ARIH2: variants seen among roughly 807,000 people sequenced by gnomAD.
ARIH2 encodes the protein ariadne RBR E3 ubiquitin protein ligase 2.
Under a neutral mutation model 79.8 loss-of-function variants are expected in ARIH2, and 12 were observed. The observed-to-expected ratio is 0.15, with a 90% CI of 0.10 to 0.24. ARIH2 has a LOEUF of 0.24. Among genes scored for constraint, ARIH2 ranks in the 10% least tolerant of loss-of-function variants. The probability of loss-of-function intolerance (pLI) is 1.00; values close to 1 mark genes in which losing one functional copy is unlikely to be tolerated. For missense variants in ARIH2, 301 were observed against 618.3 expected, an observed-to-expected ratio of 0.49 and a Z score of 5.44; for synonymous variants, 224 against 213.9, an observed-to-expected ratio of 1.05 and a Z score of -0.41.
chr3:48,949,074 G>C (rs1295170566), intron 3 of ARIH2: 4 of 456,352 alleles, frequency 8.8e-6, no homozygotes, highest in African/African-American at 8.0e-5. Context: ...AGATAACTAG[G>C]AGTGGGATTG....
intron 3 of ARIH2, 94 bp downstream of exon 3, chr3:48,927,907 G>A: frequency 6.7e-7 from 1 of 1,481,768 alleles, no homozygotes; most frequent in South Asian, 1.3e-5. Flanking sequence ...TAATTGAATG[G>A]CCTTGTAGCT....
At chr3:48,958,403 C>T (rs2090852097) in intron 3 of ARIH2, among the ~76,000 whole-genome samples, 1 of 152,176 alleles carries the variant, frequency 6.6e-6, no homozygotes, top group African/African-American at 2.4e-5. Flanking sequence ...GCCTGCATGA[C>T]TTCATCTCTA....
chr3:48,972,763 C>T (rs2092308862), intron 8 of ARIH2, among the ~76,000 whole-genome samples: 1 of 152,018 alleles, frequency 6.6e-6, no homozygotes, highest in Non-Finnish European at 1.5e-5. Flanking sequence ...GTCCACGTTG[C>T]AGTACAGTGA....
intron 1 of ARIH2, chr3:48,919,303 G>T: frequency 1.0e-6 from 1 of 958,470 alleles, no homozygotes; most frequent in Non-Finnish European, 1.4e-6. Flanking sequence ...GCGGGGAAAC[G>T]CGCCGCCTCG....
At position 48,983,498 on chromosome 3, in the gene ARIH2, A is replaced by G. The variant is rs753289283; in HGVS notation, c.*228A>G. The G allele has an allele frequency of 3.1e-5, 17 of 546,982 alleles. No homozygotes were observed. The highest frequency in any genetic ancestry group is 7.7e-5 in the African/African-American group (4 of 51,712). The allele number at this position is 546,982 out of a possible 1,614,324, so 33.9% of individuals were successfully genotyped here. ...GAACTGGCCTCTTTTCAGGACTTTT[A>G]TTTCCCCCTGGATGGTTGTTGGGAG... On this transcript the variant is annotated 3_prime_UTR_variant, in exon 16 of 16. Transcript: ENST00000356401.
At chr3:48,970,275 T>C (rs1207132028) in intron 7 of ARIH2, among the ~76,000 whole-genome samples, 1 of 152,178 alleles carries the variant, frequency 6.6e-6, no homozygotes, top group Non-Finnish European at 1.5e-5. Context: ...CACTGCAGCC[T>C]GAAATTTCAG....
Position 48,918,953 on chromosome 3 carries a change from CG to C in ARIH2, c.-205del, listed in dbSNP as rs1559686960. Reference sequence around the variant, plus strand: ...CCGGTCCCTCTGGCCCGGCCTGACCCGGTCTGGCTTGTTCGGGCTCAGCGGC... The same window carrying C: ...CCGGTCCCTCTGGCCCGGCCTGACCCGTCTGGCTTGTTCGGGCTCAGCGGC... On this transcript the variant is annotated 5_prime_UTR_variant, in exon 1 of 16. Coordinates refer to ENST00000356401, the MANE Select transcript of ARIH2 (RefSeq NM_006321.4). 17 of 1,527,580 alleles carry C rather than the reference CG, an allele frequency of 1.1e-5. No individual in the cohort carries two copies. The highest frequency in any genetic ancestry group is 1.5e-5 in the Non-Finnish European group (17 of 1,146,772). The allele number at this position is 1,527,580 out of a possible 1,614,324, so 94.6% of individuals were successfully genotyped here. A position where few individuals can be genotyped will look rare whatever the true frequency, so the allele number is the denominator to read the frequency against.
intron 2 of ARIH2, chr3:48,926,988 T>C (rs1255643092): frequency 3.9e-5 from 6 of 154,210 alleles, no homozygotes; most frequent in Non-Finnish European, 7.2e-5. Flanking sequence ...TGTGAAACAG[T>C]GGTTTTCTTT....
At chr3:48,978,465 G>A (rs200678873) in intron 11 of ARIH2, among the ~76,000 whole-genome samples, 7,495 of 74,456 alleles carry the variant, frequency 0.1, 237 homozygotes, top group Non-Finnish European at 0.11. Context: ...GTGTGTGTGT[G>A]TATATATATA....
intron 2 of ARIH2, among the ~76,000 whole-genome samples, chr3:48,923,191 A>G (rs2085061249): frequency 6.6e-6 from 1 of 151,746 alleles, no homozygotes; most frequent in Non-Finnish European, 1.5e-5. Context: ...TGGGCGACAG[A>G]GCGAGACTCC....
rs1255997917 is a variant in ARIH2, at chr3:48,974,870, GAGCAGA to G, written c.939+7_939+12del. The G allele has an allele frequency of 5.0e-6, 8 of 1,613,960 alleles. No homozygotes were observed. Among genetic ancestry groups the G allele is most frequent in the Non-Finnish European group, 8.5e-7 (1 of 1,180,036 alleles). ...AGAATGGAGGCTGCAATCACATGGT[GAGCAGA>G]AGCCTCTGCAGTTTGCATGTGTGAC... On this transcript the variant is annotated splice_donor_5th_base_variant and intron_variant, in intron 10 of 15. Transcript: ENST00000356401.
intron 3 of ARIH2, among the ~76,000 whole-genome samples, chr3:48,935,188 G>T (rs532072681): frequency 6.6e-6 from 1 of 152,006 alleles, no homozygotes; most frequent in African/African-American, 2.4e-5. Flanking sequence ...AACCTACTAC[G>T]CCTCCTGTTA....
intron 3 of ARIH2, among the ~76,000 whole-genome samples, chr3:48,930,414 G>C (rs746484306): frequency 4.8e-4 from 73 of 152,192 alleles, no homozygotes; most frequent in African/African-American, 1.7e-3. Context: ...GCCTGGGAGC[G>C]GAGGTTGCAG....
intron 11 of ARIH2, among the ~76,000 whole-genome samples, chr3:48,978,421 ATGTG>A (rs1188251261): frequency 0.015 from 823 of 55,652 alleles, 10 homozygotes; most frequent in African/African-American, 0.031. Context: ...TAATTTGTGT[ATGTG>A]TGTGTGTGTG....
rs199901595 is a variant in ARIH2, at chr3:48,970,132, T to G, written c.661-463T>G. 7.9e-4 allele frequency among the ~76,000 whole-genome samples: 120 copies of G among 152,286 alleles called. 2 individuals carry two copies. The East Asian group carries it at 0.02, about 25-fold the overall frequency. On this transcript the variant is annotated intron_variant, in intron 7 of 15. Transcript: ENST00000356401. ...GTCTCAAACTCCTGACCTCAGGTGATCCACCTGCCTCGGCCTCCCAAAGTG... is the reference window on the plus strand; with the variant it reads ...GTCTCAAACTCCTGACCTCAGGTGAGCCACCTGCCTCGGCCTCCCAAAGTG...
intron 3 of ARIH2, 131 bp from the exon 4 acceptor site, chr3:48,961,481 C>A: frequency 1.8e-6 from 1 of 540,870 alleles, no homozygotes; most frequent in Non-Finnish European, 3.4e-6. Context: ...AAGCAGAGAA[C>A]CAAGAGGAGG....
intron 3 of ARIH2, chr3:48,934,703 C>T (rs948706870): frequency 4.7e-5 from 46 of 985,270 alleles, no homozygotes; most frequent in African/African-American, 1.6e-4. Flanking sequence ...TTTTAAAAGG[C>T]GATGAGAAAT....
intron 8 of ARIH2, 130 bp downstream of exon 8, chr3:48,970,834 C>T: frequency 3.1e-6 from 2 of 645,774 alleles, no homozygotes; most frequent in South Asian, 1.8e-5. Flanking sequence ...CAGCTGTGCT[C>T]CAAGTGGGTA....
chr3:48,923,443 C>T (rs1449814458), intron 2 of ARIH2, among the ~76,000 whole-genome samples: 2 of 149,532 alleles, frequency 1.3e-5, no homozygotes, highest in Non-Finnish European at 3.0e-5. Flanking sequence ...TTTTATTGCC[C>T]CACAATTAAT....
Sources: allele counts gnomAD v4.1 joint callset (sites outside exome capture counted in the v4.1 genomes callset), GRCh38; gene constraint gnomAD v4.1.1; transcripts MANE v1.5; gene names NCBI Gene and HGNC (gene_info 2026-07-23, HGNC 2026-07-21).